SMAP1: variants seen among roughly 807,000 people sequenced by gnomAD.
SMAP1 encodes stromal membrane-associated protein 1.
SMAP1 carries 24 observed loss-of-function variants against 58.5 expected under a neutral mutation model. The ratio of observed to expected loss-of-function variants is 0.41; its 90% confidence interval spans 0.30 to 0.58. The LOEUF is 0.58. SMAP1 is among the 20% of genes least tolerant of loss of function. The pLI is 0.29. For synonymous variants in SMAP1, 216 were observed against 196.6 expected, an observed-to-expected ratio of 1.10 and a Z score of -0.82; for missense variants, 563 against 566.3, an observed-to-expected ratio of 0.99 and a Z score of 0.06.
At chr6:70,729,357 T>TGAA (rs1765320267) in intron 1 of SMAP1, among the ~76,000 whole-genome samples, 2 of 150,584 alleles carry the variant, frequency 1.3e-5, no homozygotes, top group South Asian at 4.2e-4. Context: ...GAGAATGGCA[T>TGAA]GAACCTGGGA....
At chr6:70,730,721 T>A (rs918044411) in intron 1 of SMAP1, among the ~76,000 whole-genome samples, 2 of 152,240 alleles carry the variant, frequency 1.3e-5, no homozygotes, top group African/African-American at 4.8e-5. Flanking sequence ...AGCTTTAATG[T>A]TGTTGTGTAG....
At chr6:70,726,887 G>A (rs1334197425) in intron 1 of SMAP1, among the ~76,000 whole-genome samples, 1 of 150,464 alleles carries the variant, frequency 6.6e-6, no homozygotes, top group Non-Finnish European at 1.5e-5. Context: ...GTGTGTGTGT[G>A]TGTGTGTGTG....
intron 4 of SMAP1, among the ~76,000 whole-genome samples, chr6:70,788,639 G>C (rs890089847): frequency 6.6e-6 from 1 of 152,118 alleles, no homozygotes; most frequent in Admixed American, 6.6e-5. Flanking sequence ...AGAGGGACTA[G>C]CAAGAGGAAA....
intron 6 of SMAP1, among the ~76,000 whole-genome samples, chr6:70,814,155 CTT>C (rs942822889): frequency 2.1e-4 from 32 of 152,260 alleles, no homozygotes; most frequent in African/African-American, 7.5e-4. Context: ...GCTGTTCTGT[CTT>C]TTACAGTTGC....
intron 1 of SMAP1, among the ~76,000 whole-genome samples, chr6:70,691,387 T>C (rs1221293420): frequency 6.6e-6 from 1 of 152,198 alleles, no homozygotes. Flanking sequence ...ATACAAAGCA[T>C]AATAGTCACA....
rs1384406064 is a variant in SMAP1 at position 70,768,667 on chromosome 6, GTCTATCAATTTTGTT to G, written c.339-4682_339-4668del. On this transcript the variant is annotated intron_variant, in intron 3 of 10. Transcript: ENST00000370455. ...TTCTTGTTTATTAGTCTTGCTAGTG[GTCTATCAATTTTGTT>G]GATCTTTTCAAAAAACCAGCTCCTG... 2.1e-3 allele frequency among the ~76,000 whole-genome samples: 312 copies of G among 152,170 alleles called. 1 individual carries two copies. Among genetic ancestry groups the G allele is most frequent in the African/African-American group, 7.2e-3 (301 of 41,528 alleles).
chr6:70,725,198 G>A (rs1403476765), intron 1 of SMAP1, among the ~76,000 whole-genome samples: 1 of 131,682 alleles, frequency 7.6e-6, no homozygotes, highest in African/African-American at 2.9e-5. Flanking sequence ...CTCACTGCAA[G>A]CTCTGCCTCC....
At chr6:70,753,261 T>G (rs930983464) in intron 2 of SMAP1, among the ~76,000 whole-genome samples, 1 of 152,170 alleles carries the variant, frequency 6.6e-6, no homozygotes, top group Admixed American at 6.6e-5. Context: ...CGAGGATTGA[T>G]GAGATATAGT....
At chr6:70,704,173 C>T (rs1767746760) in intron 1 of SMAP1, among the ~76,000 whole-genome samples, 1 of 152,150 alleles carries the variant, frequency 6.6e-6, no homozygotes, top group Admixed American at 6.5e-5. Context: ...TTGAAGAGAA[C>T]AGTTACATTT....
intron 6 of SMAP1, among the ~76,000 whole-genome samples, chr6:70,834,640 C>G (rs117821434): frequency 0.024 from 3,599 of 152,304 alleles, 51 homozygotes; most frequent in Non-Finnish European, 0.037. Context: ...TGAAGACCCA[C>G]CCCAGGAAGC....
At chr6:70,669,692 G>C (rs1766185155) in intron 1 of SMAP1, among the ~76,000 whole-genome samples, 1 of 152,146 alleles carries the variant, frequency 6.6e-6, no homozygotes, top group Non-Finnish European at 1.5e-5. Flanking sequence ...GAAGAAAGAA[G>C]CTGAAGCTAA....
At chr6:70,812,321 TCAGA>T (rs1392302802) in intron 6 of SMAP1, among the ~76,000 whole-genome samples, 1 of 152,208 alleles carries the variant, frequency 6.6e-6, no homozygotes, top group Non-Finnish European at 1.5e-5. Flanking sequence ...TTATCCAAAG[TCAGA>T]TTTATCTTTC....
chr6:70,762,412 G>C (rs1414739153), intron 3 of SMAP1, among the ~76,000 whole-genome samples: 2 of 152,128 alleles, frequency 1.3e-5, no homozygotes, highest in Non-Finnish European at 2.9e-5. Flanking sequence ...TTAAGGAAAA[G>C]TTTGCCAACC....
intron 1 of SMAP1, among the ~76,000 whole-genome samples, chr6:70,683,921 G>A (rs1227761879): frequency 1.3e-5 from 2 of 152,280 alleles, no homozygotes; most frequent in East Asian, 1.9e-4. Flanking sequence ...GTCAGGTCAC[G>A]TATTAATGTG....
chr6:70,784,845 A>G (rs1487078666), intron 4 of SMAP1, among the ~76,000 whole-genome samples: 1 of 152,174 alleles, frequency 6.6e-6, no homozygotes, highest in Non-Finnish European at 1.5e-5. Flanking sequence ...CTCCCACACA[A>G]TAATAATGGG....
intron 6 of SMAP1, among the ~76,000 whole-genome samples, chr6:70,823,882 T>G (rs1769999980): frequency 6.6e-6 from 1 of 151,896 alleles, no homozygotes; most frequent in South Asian, 2.1e-4. Flanking sequence ...CCAAGGGTTT[T>G]TTTTTTTTTT....
intron 1 of SMAP1, among the ~76,000 whole-genome samples, chr6:70,699,184 A>C (rs534936232): frequency 1.3e-5 from 2 of 152,236 alleles, no homozygotes; most frequent in African/African-American, 4.8e-5. Context: ...CTTAGGTGAG[A>C]TCTGAGAGAA....
At position 70,707,091 on chromosome 6, in the gene SMAP1, T is replaced by C. The variant is rs572826718; in HGVS notation, c.119-25287T>C. Among the ~76,000 whole-genome samples, 5 of 152,312 alleles carry C rather than the reference T, an allele frequency of 3.3e-5. No individual in the cohort carries two copies. The East Asian group carries it at 9.6e-4, about 29-fold the overall frequency. On this transcript the variant is annotated intron_variant, in intron 1 of 10. Coordinates refer to ENST00000370455, the MANE Select transcript of SMAP1 (RefSeq NM_001044305.3). ...CTGTTTTTGACATTAATGGTTTCTC[T>C]TGTTATATGTTAGTTTTATACTATT... is the stretch of plus-strand genomic sequence containing the variant.
intron 6 of SMAP1, among the ~76,000 whole-genome samples, chr6:70,820,337 A>G (rs1769830557): frequency 1.3e-5 from 2 of 152,140 alleles, no homozygotes; most frequent in African/African-American, 4.8e-5. Flanking sequence ...TTTTTAATTA[A>G]AAAAGAAAAG....
Sources: allele counts gnomAD v4.1 joint callset (sites outside exome capture counted in the v4.1 genomes callset), GRCh38; gene constraint gnomAD v4.1.1; transcripts MANE v1.5; gene names NCBI Gene and HGNC (gene_info 2026-07-23, HGNC 2026-07-21).